FAAP20: variants seen among roughly 807,000 people sequenced by gnomAD.
The protein encoded by FAAP20 is Fanconi anemia core complex-associated protein 20.
FAAP20 carries 12 observed loss-of-function variants against 16.2 expected under a neutral mutation model. That is an observed-to-expected ratio of 0.74 (90% CI 0.48 to 1.20). The LOEUF is 1.20. FAAP20 is among the 50% of genes most tolerant of loss of function. The pLI, the probability that FAAP20 is intolerant of heterozygous loss-of-function variation, is 0.00. For missense variants in FAAP20, 288 were observed against 245.8 expected (o/e 1.17, Z -1.15); for synonymous variants, 141 against 110.7 (o/e 1.27, Z -1.72).
upstream of FAAP20, chr1:2,198,615 G>A (rs369648206): frequency 2.5e-5 from 29 of 1,162,348 alleles, no homozygotes; most frequent in East Asian, 4.1e-4. Flanking sequence ...CCCGGTGGCC[G>A]TGCACCCTCC....
chr1:2,184,482 T>C, downstream of FAAP20: 2 of 808,542 alleles, frequency 2.5e-6, no homozygotes, highest in Non-Finnish European at 3.9e-6. Context: ...AATGCTGACT[T>C]TCTCACTGTT....
At chr1:2,184,678 G>C (rs1687287783), downstream of FAAP20, 1 of 1,613,560 alleles carries the variant, frequency 6.2e-7, no homozygotes, top group Non-Finnish European at 8.5e-7. Flanking sequence ...GCGAGCCCGT[G>C]CAGCTGACCC....
intron 1 of FAAP20, 122 bp from the exon 2 acceptor site, chr1:2,194,255 T>C: frequency 9.1e-7 from 1 of 1,100,030 alleles, no homozygotes; most frequent in Non-Finnish European, 1.2e-6. Flanking sequence ...GGAAATTCGA[T>C]GGTGCGGGAG....
downstream of FAAP20, chr1:2,186,942 T>A (rs1222085443): frequency 1.5e-5 from 4 of 268,870 alleles, no homozygotes; most frequent in Non-Finnish European, 2.3e-5. Flanking sequence ...ACTTTTATAT[T>A]CAGTAATTTG....
At chr1:2,190,774 G>A (rs940179129) in intron 3 of FAAP20, 15 of 277,660 alleles carry the variant, frequency 5.4e-5, no homozygotes, top group Middle Eastern at 2.7e-3. Context: ...CCCACTGAGC[G>A]GCCAAGTCCA....
intron 3 of FAAP20, chr1:2,190,526 A>C: frequency 2.4e-6 from 1 of 417,576 alleles, no homozygotes. Context: ...GAGCGGCTGG[A>C]AATGACCATC....
At chr1:2,202,359 G>C (rs547760896), upstream of FAAP20, among the ~76,000 whole-genome samples, 5 of 152,352 alleles carry the variant, frequency 3.3e-5, no homozygotes, top group African/African-American at 1.2e-4. Context: ...TTGTTTTAGA[G>C]ACAGGGTCTT....
chr1:2,210,904 C>T (rs115972872), downstream of FAAP20, among the ~76,000 whole-genome samples: 2,609 of 152,318 alleles, frequency 0.017, 72 homozygotes, highest in African/African-American at 0.059. Context: ...CGCAAGCTGG[C>T]GATTGCTGCG....
chr1:2,187,306 T>TTTC (rs1165193597), downstream of FAAP20: 24 of 392,772 alleles, frequency 6.1e-5, no homozygotes, highest in South Asian at 2.6e-4. Flanking sequence ...TCTTTTTCTT[T>TTTC]TTTTTTTCTT....
At chr1:2,200,813 G>C, upstream of FAAP20, 1 of 1,013,600 alleles carries the variant, frequency 9.9e-7, no homozygotes, top group Non-Finnish European at 1.2e-6. Flanking sequence ...AGCTGGAAGG[G>C]GGCCCTTGGA....
chr1:2,196,377 C>T (rs1171277230), upstream of FAAP20, among the ~76,000 whole-genome samples: 5 of 152,106 alleles, frequency 3.3e-5, no homozygotes, highest in African/African-American at 1.2e-4. This position sits in a 1 kb window ranked among gnomAD's most constrained non-coding sequence, Gnocchi z 4.5. Context: ...GCCTGGGCAA[C>T]ATGGCAAGAC....
chr1:2,204,613 G>A (rs899602851), upstream of FAAP20, among the ~76,000 whole-genome samples: 6 of 151,004 alleles, frequency 4.0e-5, no homozygotes, highest in African/African-American at 2.4e-5. Context: ...CCCGGGAGCC[G>A]GAGAACCCGC....
upstream of FAAP20, among the ~76,000 whole-genome samples, chr1:2,204,778 C>G (rs1422123435): frequency 6.6e-6 from 1 of 152,160 alleles, no homozygotes; most frequent in Non-Finnish European, 1.5e-5. Context: ...CTCAGCCAGC[C>G]GCCGCCTTTG....
At position 2,189,800 on chromosome 1, in the gene FAAP20, A is replaced by G. The variant is rs954491763; in HGVS notation, c.471-19T>C. On this transcript the variant is annotated intron_variant, in intron 3 of 3. Coordinates refer to ENST00000378546, the MANE Select transcript of FAAP20 (RefSeq NM_182533.4). Reference sequence around the variant, plus strand: ...GGTCAGCCTGCAAGGGAGGGGCCACACTCACTCGGCCACCTCCGCGGCATG... The same window carrying G: ...GGTCAGCCTGCAAGGGAGGGGCCACGCTCACTCGGCCACCTCCGCGGCATG... 3.1e-6 allele frequency: 5 copies of G among 1,596,758 alleles called. No homozygotes were observed. The African/African-American group carries it at 6.7e-5, about 21-fold the overall frequency.
chr1:2,201,958 A>C (rs1689067744), upstream of FAAP20, among the ~76,000 whole-genome samples: 1 of 150,504 alleles, frequency 6.6e-6, no homozygotes, highest in Non-Finnish European at 1.5e-5. Context: ...CGGAGCTTGC[A>C]GTGAGCCGAG....
In FAAP20 at chr1:2,189,760, G is replaced by C. The variant is rs369043951; in HGVS notation, c.492C>G (p.Asp164Glu). 55 of 1,612,684 alleles carry C rather than the reference G, an allele frequency of 3.4e-5. No homozygotes were observed. The highest frequency in any genetic ancestry group is 4.5e-5 in the Non-Finnish European group (53 of 1,179,688). The change falls in exon 4 of 4, where the codon GAC becomes GAG. Residue 164 changes from aspartate (D) to glutamate (E), a missense_variant. Physicochemically the swap from Asp to Glu is conservative, Grantham distance 45. Coordinates refer to ENST00000378546, the MANE Select transcript of FAAP20 (RefSeq NM_182533.4). ...FAPRLTQLDVDSHLAQCLAES... is the reference protein window; with the variant it reads ...FAPRLTQLDVESHLAQCLAES... ...CGGCCAAGCACTGGGCCAGGTGGCT[G>C]TCAACATCCAGCTGGGTCAGCCTGC... is the stretch of plus-strand genomic sequence containing the variant.
intron 3 of FAAP20, chr1:2,193,053 A>C: frequency 7.9e-7 from 1 of 1,269,452 alleles, no homozygotes; most frequent in Admixed American, 2.3e-5. Flanking sequence ...CATTAACTCA[A>C]CCAAAAGTTA....
At chr1:2,203,013 C>G (rs533410293), upstream of FAAP20, among the ~76,000 whole-genome samples, 134 of 152,334 alleles carry the variant, frequency 8.8e-4, no homozygotes, top group African/African-American at 3.1e-3. Flanking sequence ...CAGCTGGTGA[C>G]TGGACAACAG....
chr1:2,206,853 C>A, intron 1 of FAAP20, among the ~76,000 whole-genome samples: 1 of 149,904 alleles, frequency 6.7e-6, no homozygotes, highest in Non-Finnish European at 1.5e-5. Context: ...AAAAAAGGCT[C>A]TGGGACCCCT....
Sources: gnomAD v4.1 joint callset for allele counts (sites outside exome capture counted in the v4.1 genomes callset) on GRCh38, gnomAD v4.1.1 for gene constraint, Gnocchi (gnomAD v3.1) non-coding constraint, MANE v1.5 for transcripts, NCBI Gene and HGNC (gene_info 2026-07-23, HGNC 2026-07-21) for gene names.